Variants in HECW1 observed in about 807,000 individuals in gnomAD.
The protein encoded by HECW1 is HECT, C2 and WW domain containing E3 ubiquitin protein ligase 1.
Under a neutral mutation model 182.3 loss-of-function variants are expected in HECW1, and 61 were observed. That is an observed-to-expected ratio of 0.33 (90% confidence interval 0.27 to 0.41). The LOEUF (loss-of-function observed/expected upper bound fraction) is 0.41. HECW1 is among the 10% of genes least tolerant of loss of function. The pLI is 1.00. For synonymous variants in HECW1, 859 were observed against 832.6 expected (o/e 1.03, Z -0.55); for missense variants, 1,739 against 2,108.9 (o/e 0.82, Z 3.44).
chr7:43,499,265 A>G (rs1254575033), intron 19 of HECW1, among the ~76,000 whole-genome samples: 1 of 151,770 alleles, frequency 6.6e-6, no homozygotes, highest in African/African-American at 2.4e-5. Context: ...AGTGAGCAAC[A>G]GAGTGAGACC....
At chr7:43,395,037 G>A (rs887825491) in intron 6 of HECW1, among the ~76,000 whole-genome samples, 3 of 29,242 alleles carry the variant, frequency 1.0e-4, no homozygotes, top group Non-Finnish European at 1.9e-4. Context: ...AATCAGACTA[G>A]CCAGTTTGTT....
chr7:43,278,778 CT>C (rs929944787), intron 3 of HECW1, among the ~76,000 whole-genome samples: 2 of 151,962 alleles, frequency 1.3e-5, no homozygotes, highest in African/African-American at 2.4e-5. Context: ...TAAGTCACCC[CT>C]AGGAGGTCTT....
Position 43,445,424 on chromosome 7 carries a change from A to C in HECW1, c.2252A>C (p.Asp751Ala), listed in dbSNP as rs2077022013. Residue 751 changes from aspartate (D) to alanine (A), a missense_variant, in exon 11 of 30, where the codon GAC (aspartate) becomes GCC (alanine). Physicochemically the swap from Asp to Ala is moderately radical, Grantham distance 126. Around this residue, in one of 5 missense-constraint regions of HECW1, gnomAD observed 971 missense variants for 1,029.1 expected, o/e 0.94. Coordinates refer to ENST00000395891, the MANE Select transcript of HECW1 (RefSeq NM_015052.5). ...EENSAFESVP[D>A]SMQSPELDPE... The stretch of plus-strand genomic sequence containing the variant: ...AACAGCGCGTTCGAGTCGGTACCCG[A>C]CTCCATGCAGAGCCCTGAGCTGGAC... 1 of 1,612,948 alleles carries C rather than the reference A, an allele frequency of 6.2e-7. No individual in the cohort carries two copies. The highest frequency in any genetic ancestry group is 8.5e-7 in the Non-Finnish European group (1 of 1,179,908).
intron 26 of HECW1, among the ~76,000 whole-genome samples, chr7:43,544,922 G>A (rs10245574): frequency 0.35 from 53,307 of 152,094 alleles, 9,413 homozygotes; most frequent in Middle Eastern, 0.42. Context: ...AAGAGAAAAA[G>A]GATAGTGAAG....
At chr7:43,191,453 G>A (rs1793910892) in intron 2 of HECW1, among the ~76,000 whole-genome samples, 1 of 152,142 alleles carries the variant, frequency 6.6e-6, no homozygotes, top group Admixed American at 6.5e-5. Context: ...TGTCACCAGT[G>A]GATAGTCAAT....
chr7:43,541,022 T>C (rs2152953384), intron 24 of HECW1, 141 bp from the exon 25 acceptor site: 4 of 681,012 alleles, frequency 5.9e-6, no homozygotes, highest in Non-Finnish European at 1.1e-5. Flanking sequence ...CAAGAACAGG[T>C]GCCTCCCTTG....
intron 2 of HECW1, among the ~76,000 whole-genome samples, chr7:43,128,948 G>A (rs1341511773): frequency 2.6e-5 from 4 of 151,962 alleles, no homozygotes; most frequent in Non-Finnish European, 5.9e-5. Flanking sequence ...ATGATGATGT[G>A]ACTGATTGCT....
At chr7:43,186,547 T>C (rs1793420026) in intron 2 of HECW1, among the ~76,000 whole-genome samples, 2 of 151,890 alleles carry the variant, frequency 1.3e-5, no homozygotes, top group Admixed American at 1.3e-4. Context: ...AGGGCGCCTG[T>C]AGTCCCAGCT....
At chr7:43,516,184 G>T (rs939910093) in intron 24 of HECW1, among the ~76,000 whole-genome samples, 17 of 152,106 alleles carry the variant, frequency 1.1e-4, no homozygotes, top group Non-Finnish European at 1.0e-4. Context: ...AGCCCAGTGA[G>T]ACCAGAGTCT....
Position 43,562,644 on chromosome 7 carries a change from C to T in HECW1, c.*718C>T, listed in dbSNP as rs2082239320. ...CCAATGGTTGTGGGGATTGTGGGCT[C>T]AACTCAAGAGAAGTTTAGGAGGGGG... On this transcript the variant is annotated 3_prime_UTR_variant, in exon 30 of 30. Transcript: ENST00000395891. 1 of 226,620 alleles carries T rather than the reference C, an allele frequency of 4.4e-6. No homozygotes were observed. The highest frequency in any genetic ancestry group is 8.8e-6 in the Non-Finnish European group (1 of 113,590). 14.0% of individuals were successfully genotyped at this position (226,620 alleles called of 1,614,324 possible).
chr7:43,342,993 C>T (rs1248704357), intron 5 of HECW1, among the ~76,000 whole-genome samples: 1 of 151,288 alleles, frequency 6.6e-6, no homozygotes, highest in Non-Finnish European at 1.5e-5. Flanking sequence ...CCACTGCACT[C>T]CAGCGTGGGA....
intron 3 of HECW1, among the ~76,000 whole-genome samples, chr7:43,303,057 G>A (rs938708278): frequency 3.3e-5 from 5 of 151,932 alleles, no homozygotes; most frequent in African/African-American, 9.7e-5. Context: ...CTAACCTGAC[G>A]AGGCCCTCCT....
At chr7:43,247,971 A>G (rs1799591990) in intron 3 of HECW1, among the ~76,000 whole-genome samples, 1 of 128,478 alleles carries the variant, frequency 7.8e-6, no homozygotes, top group Non-Finnish European at 1.6e-5. Flanking sequence ...GAAAAAGAGA[A>G]AGGAAAGAAG....
intron 7 of HECW1, among the ~76,000 whole-genome samples, chr7:43,399,599 T>C (rs55764422): frequency 0.17 from 25,265 of 152,122 alleles, 2,649 homozygotes; most frequent in Non-Finnish European, 0.24. Context: ...ACAGTCTCTA[T>C]TCCTTTATCT....
At chr7:43,214,004 A>G (rs1023044435) in intron 2 of HECW1, among the ~76,000 whole-genome samples, 1 of 152,074 alleles carries the variant, frequency 6.6e-6, no homozygotes, top group African/African-American at 2.4e-5. Context: ...AGACCTTTAG[A>G]GACCTTTATT....
intron 6 of HECW1, among the ~76,000 whole-genome samples, chr7:43,365,466 G>A (rs1028316616): frequency 6.6e-6 from 1 of 151,924 alleles, no homozygotes; most frequent in African/African-American, 2.4e-5. Flanking sequence ...CCACCCGTGT[G>A]GGGCCATCTA....
chr7:43,389,608 CATT>C (rs1724476592), intron 6 of HECW1, among the ~76,000 whole-genome samples: 1 of 151,062 alleles, frequency 6.6e-6, no homozygotes, highest in Non-Finnish European at 1.5e-5. Flanking sequence ...ATTCTCATCA[CATT>C]GTTGTTGCTG....
intron 13 of HECW1, among the ~76,000 whole-genome samples, chr7:43,460,554 G>T (rs952734268): frequency 6.6e-6 from 1 of 151,618 alleles, no homozygotes; most frequent in Non-Finnish European, 1.5e-5. Context: ...GTGTGTGCGT[G>T]TGTGCGTGTG....
rs1009130950 is a variant in HECW1 at position 43,490,210 on chromosome 7, A to T, written c.3235-1865A>T. On this transcript the variant is annotated intron_variant, in intron 17 of 29. Transcript: ENST00000395891. ...CAATCACAACAGCCAAGCTTCAGTC[A>T]GTTGCAGGTGGCTAACTGATCAGAC... Among the ~76,000 whole-genome samples, 16 of 152,350 alleles carry T rather than the reference A, an allele frequency of 1.1e-4. 2 individuals are homozygous for T. The highest frequency in any genetic ancestry group is 1.0e-3 in the Admixed American group (16 of 15,296).
Sources: allele counts gnomAD v4.1 joint callset (sites outside exome capture counted in the v4.1 genomes callset), GRCh38; gene constraint gnomAD v4.1.1; regional missense constraint gnomAD v4.1.1; transcripts MANE v1.5; gene names NCBI Gene and HGNC (gene_info 2026-07-23, HGNC 2026-07-21).